The following PARD6G variants were observed in gnomAD, a reference collection of about 807,000 sequenced individuals.
PARD6G encodes par-6 family cell polarity regulator gamma, also known as partitioning defective 6 homolog gamma.
In PARD6G, 7 loss-of-function variants were observed where a neutral mutation model predicts 10.7. The ratio of observed to expected loss-of-function variants is 0.66; its 90% confidence interval spans 0.37 to 1.23. The LOEUF is 1.23. Among genes scored for constraint, PARD6G ranks in the 50% most tolerant of loss-of-function variants. PARD6G has a pLI of 0.02. For missense variants in PARD6G, 548 were observed against 571.8 expected, an observed-to-expected ratio of 0.96 and a Z score of 0.42; for synonymous variants, 287 against 269.4, an observed-to-expected ratio of 1.07 and a Z score of -0.64.
intron 1 of PARD6G, among the ~76,000 whole-genome samples, chr18:80,240,251 G>T (rs77030730): frequency 0.025 from 3,831 of 152,276 alleles, 154 homozygotes; most frequent in African/African-American, 0.088. Context: ...ATGTCCTTAT[G>T]ACACTGCAAA....
intron 2 of PARD6G, chr18:80,197,476 A>AGAACAGT (rs1966968426): frequency 6.6e-6 from 1 of 152,230 alleles, no homozygotes; most frequent in African/African-American, 2.4e-5. Context: ...CAGAATGCCA[A>AGAACAGT]GAACAGTGAA....
chr18:80,175,141 A>G lies in PARD6G; in HGVS notation c.296-14535T>C, dbSNP rs35945675. On this transcript the variant is annotated intron_variant, in intron 2 of 2. Transcript: ENST00000353265. This position sits in a 1 kb window ranked among gnomAD's most constrained non-coding sequence, Gnocchi z 6.7. ...CCATAATCCTTCTTCCTAACAGTCTAGTACACACTTCCCCAGACTATTTAG... is the reference window on the plus strand; with the variant it reads ...CCATAATCCTTCTTCCTAACAGTCTGGTACACACTTCCCCAGACTATTTAG... Among the ~76,000 whole-genome samples, 29,151 of 152,068 alleles carry G rather than the reference A, an allele frequency of 0.19. 2,965 individuals carry two copies. The highest frequency in any genetic ancestry group is 0.31 in the Middle Eastern group (91 of 294).
At chr18:80,227,636 G>A (rs534120728) in intron 1 of PARD6G, among the ~76,000 whole-genome samples, 6 of 152,246 alleles carry the variant, frequency 3.9e-5, no homozygotes, top group Non-Finnish European at 7.3e-5. Context: ...TTGAGTGGCA[G>A]CCACTGGGTC....
chr18:80,184,243 T>C lies in PARD6G; in HGVS notation c.295+18467A>G, dbSNP rs1336517477. The C allele has an allele frequency of 6.6e-6, 1 of 152,254 alleles. No homozygotes were observed. Among genetic ancestry groups the C allele is most frequent in the Non-Finnish European group, 1.5e-5 (1 of 68,056 alleles). The allele number at this position is 152,254 out of a possible 1,614,324, so 9.4% of individuals were successfully genotyped here. A position where few individuals can be genotyped will look rare whatever the true frequency, so the allele number is the denominator to read the frequency against. On this transcript the variant is annotated intron_variant, in intron 2 of 2. Coordinates refer to ENST00000353265, the MANE Select transcript of PARD6G (RefSeq NM_032510.4). This position sits in a 1 kb window ranked among gnomAD's most constrained non-coding sequence, Gnocchi z 4.5. Reference sequence around the variant, plus strand: ...CTCTTATTCCTTTCAGCCTCGGCACTGATGGTCCTAGGGCAACTCTATGTT... The same window carrying C: ...CTCTTATTCCTTTCAGCCTCGGCACCGATGGTCCTAGGGCAACTCTATGTT...
chr18:80,160,584 G>T lies in PARD6G; in HGVS notation c.318C>A (p.Leu106=), dbSNP rs762129592. The stretch of plus-strand genomic sequence containing the variant: ...TCCGCCTGCACAGCGAGCCCGCGCC[G>T]AGGCTGCCACGCTCGGCCTCCTCTG... ...QKREEAERGS[L]GAGSLCRRRR... is the part of the protein sequence containing the mutation. The change falls in exon 3 of 3, where the codon CTC becomes CTA. Residue 106 remains leucine (L), a synonymous_variant. Coordinates refer to ENST00000353265, the MANE Select transcript of PARD6G (RefSeq NM_032510.4). 1 of 1,454,740 alleles carries T rather than the reference G, an allele frequency of 6.9e-7. No homozygotes were observed. The highest frequency in any genetic ancestry group is 9.0e-7 in the Non-Finnish European group (1 of 1,107,502). The allele number at this position is 1,454,740 out of a possible 1,614,324, so 90.1% of individuals were successfully genotyped here.
In PARD6G at chr18:80,211,878, T is replaced by C. The variant is rs528114304; in HGVS notation, c.73-8946A>G. ...GAAATTTTATCACAGAGACAGAAAG[T>C]AGTATGGTTGGTGCCAGGGCCTTGA... On this transcript the variant is annotated intron_variant, in intron 1 of 2. Coordinates refer to ENST00000353265, the MANE Select transcript of PARD6G (RefSeq NM_032510.4). Among the ~76,000 whole-genome samples the C allele has an allele frequency of 6.6e-4, 101 of 152,080 alleles. 1 individual carries two copies. The highest frequency in any genetic ancestry group is 2.3e-3 in the African/African-American group (94 of 41,452).
At chr18:80,174,049 T>C (rs759542153) in intron 2 of PARD6G, among the ~76,000 whole-genome samples, 2 of 152,212 alleles carry the variant, frequency 1.3e-5, no homozygotes, top group African/African-American at 2.4e-5. Context: ...GGACCAGTGC[T>C]GAGCCCAGTG....
At chr18:80,163,261 A>G (rs2052712729) in intron 2 of PARD6G, among the ~76,000 whole-genome samples, 1 of 152,082 alleles carries the variant, frequency 6.6e-6, no homozygotes. Flanking sequence ...AGGAGAAGAG[A>G]CTAAGGTTTT....
At position 80,180,833 on chromosome 18, in the gene PARD6G, C is replaced by T. The variant is rs1225198282; in HGVS notation, c.296-20227G>A. On this transcript the variant is annotated intron_variant, in intron 2 of 2. Transcript: ENST00000353265. This position sits in a 1 kb window ranked among gnomAD's most constrained non-coding sequence, Gnocchi z 5.6. ...GCCCCGTGGTTCTGCCCCCAGCAGA[C>T]ATGTGGTGATGTCTGGAGACATTCT... Among the ~76,000 whole-genome samples the T allele has an allele frequency of 6.6e-6, 1 of 152,222 alleles. No individual in the cohort carries two copies. Among genetic ancestry groups the T allele is most frequent in the East Asian group, 1.9e-4 (1 of 5,186 alleles).
rs1270103032 is a variant in PARD6G, at chr18:80,228,489, AG to A, written c.72+18787del. On this transcript the variant is annotated intron_variant, in intron 1 of 2. Coordinates refer to ENST00000353265, the MANE Select transcript of PARD6G (RefSeq NM_032510.4). This position sits in a 1 kb window ranked among gnomAD's most constrained non-coding sequence, Gnocchi z 4.6. ...TCTGCAAGGGGTCCCCACCCCCACA[AG>A]GCCCGCCCACCCCAGGCTTGCCCCA... Among the ~76,000 whole-genome samples the A allele has an allele frequency of 3.9e-5, 6 of 151,908 alleles. No homozygotes were observed. The highest frequency in any genetic ancestry group is 1.5e-4 in the African/African-American group (6 of 41,332).
In PARD6G at chr18:80,247,158, C is replaced by A; in HGVS notation, c.72+119G>T. The A allele has an allele frequency of 2.8e-6, 2 of 707,430 alleles. No individual in the cohort carries two copies. The highest frequency in any genetic ancestry group is 4.2e-6 in the Non-Finnish European group (2 of 475,430). The allele number at this position is 707,430 out of a possible 1,614,324, so 43.8% of individuals were successfully genotyped here. On this transcript the variant is annotated intron_variant, in intron 1 of 2. Coordinates refer to ENST00000353265, the MANE Select transcript of PARD6G (RefSeq NM_032510.4). The surrounding 1 kb of genome is among the most constrained non-coding windows in gnomAD (Gnocchi z 4.2). Reference sequence around the variant, plus strand: ...CGCGGAGCGGCGCGCGGCGCCCGAACTGGAAAGTTGTCGCCGGCGCCTGTC... The same window carrying A: ...CGCGGAGCGGCGCGCGGCGCCCGAAATGGAAAGTTGTCGCCGGCGCCTGTC...
rs758698117 is a variant in PARD6G at position 80,157,536 on chromosome 18, C to G, written c.*2235G>C. ...CCGACCCAGTTATATAACAGACATTCAAGAATCAGCAATAACTTAGTAAAA... is the reference window on the plus strand; with the variant it reads ...CCGACCCAGTTATATAACAGACATTGAAGAATCAGCAATAACTTAGTAAAA... On this transcript the variant is annotated 3_prime_UTR_variant, in exon 3 of 3. Coordinates refer to ENST00000353265, the MANE Select transcript of PARD6G (RefSeq NM_032510.4). 5.4e-5 allele frequency: 7 copies of G among 129,348 alleles called. No individual in the cohort carries two copies. In the South Asian group the frequency reaches 2.0e-3, roughly 37 times the overall value. The allele number at this position is 129,348 out of a possible 1,614,324, so 8.0% of individuals were successfully genotyped here. A position where few individuals can be genotyped will look rare whatever the true frequency, so the allele number is the denominator to read the frequency against.
intron 1 of PARD6G, among the ~76,000 whole-genome samples, chr18:80,207,554 A>C (rs1326012968): frequency 2.0e-5 from 3 of 152,234 alleles, no homozygotes; most frequent in Non-Finnish European, 4.4e-5. Context: ...AATACTTGTT[A>C]ATAACTCAAT....
chr18:80,179,925 C>T, intron 2 of PARD6G, among the ~76,000 whole-genome samples: 1 of 152,234 alleles, frequency 6.6e-6, no homozygotes, highest in Non-Finnish European at 1.5e-5. Flanking sequence ...ATGAAGGTGC[C>T]ATGAGCGTGC....
chr18:80,159,932 A>G lies in PARD6G; in HGVS notation c.970T>C (p.Ser324Pro). ...GCCAGGCCCGCGCCATTGACCCGGG[A>G]GAGGCTGCCTGCGGGCGCGCCCGGG... ...QTPGAPAGSL[S>P]RVNGAGLAQR... The change falls in exon 3 of 3, where the codon TCC becomes CCC. Residue 324 changes from serine to proline, a missense_variant. Ser to Pro is a moderately conservative substitution (Grantham distance 74, BLOSUM62 -1). Coordinates refer to ENST00000353265, the MANE Select transcript of PARD6G (RefSeq NM_032510.4). 6.6e-7 allele frequency: 1 copy of G among 1,510,024 alleles called. No homozygotes were observed. The highest frequency in any genetic ancestry group is 8.8e-7 in the Non-Finnish European group (1 of 1,137,348). 93.5% of individuals were successfully genotyped at this position (1,510,024 alleles called of 1,614,324 possible).
chr18:80,209,661 A>G (rs1038777873), intron 1 of PARD6G, among the ~76,000 whole-genome samples: 5 of 152,094 alleles, frequency 3.3e-5, no homozygotes, highest in Non-Finnish European at 7.4e-5. Flanking sequence ...AAAGTACAAA[A>G]ATTAGCCAGG....
At chr18:80,240,847 C>G (rs1967482191) in intron 1 of PARD6G, among the ~76,000 whole-genome samples, 1 of 152,164 alleles carries the variant, frequency 6.6e-6, no homozygotes, top group Admixed American at 6.5e-5. Context: ...GACATTCCAC[C>G]TCACCCAAAT....
rs1360940610 is a variant in PARD6G, at chr18:80,183,051, C to T, written c.295+19659G>A. ...GGGCCAGCTGCGTGGGCCATCCATT[C>T]TCTACCATGGCATGCCGACAACAGG... is the stretch of plus-strand genomic sequence containing the variant. On this transcript the variant is annotated intron_variant, in intron 2 of 2. Coordinates refer to ENST00000353265, the MANE Select transcript of PARD6G (RefSeq NM_032510.4). The surrounding 1 kb of genome is among the most constrained non-coding windows in gnomAD (Gnocchi z 4.5). 5.7e-6 allele frequency: 4 copies of T among 701,488 alleles called. No homozygotes were observed. Among genetic ancestry groups the T allele is most frequent in the African/African-American group, 3.5e-5 (2 of 57,212 alleles). 43.5% of individuals were successfully genotyped at this position (701,488 alleles called of 1,614,324 possible). A position where few individuals can be genotyped will look rare whatever the true frequency, so the allele number is the denominator to read the frequency against.
At chr18:80,236,127 G>A (rs1967419388) in intron 1 of PARD6G, among the ~76,000 whole-genome samples, 1 of 152,126 alleles carries the variant, frequency 6.6e-6, no homozygotes, top group Non-Finnish European at 1.5e-5. Flanking sequence ...ACCAAATCCA[G>A]CAGCACATCA....
Sources: gnomAD v4.1 joint callset for allele counts (sites outside exome capture counted in the v4.1 genomes callset) on GRCh38, gnomAD v4.1.1 for gene constraint, Gnocchi (gnomAD v3.1) non-coding constraint, MANE v1.5 for transcripts, NCBI Gene and HGNC (gene_info 2026-07-23, HGNC 2026-07-21) for gene names.